The following ADAM7 variants were observed in gnomAD, a reference collection of about 807,000 sequenced individuals.
The protein encoded by ADAM7 is disintegrin and metalloproteinase domain-containing protein 7.
ADAM7 carries 97 observed loss-of-function variants against 102.9 expected under a neutral mutation model. The ratio of observed to expected loss-of-function variants is 0.94; its 90% CI spans 0.80 to 1.12. The LOEUF (loss-of-function observed/expected upper bound fraction) is 1.12, where lower values mean the gene tolerates loss of function less well. Ranked by LOEUF, ADAM7 falls within the 50% of genes most tolerant of loss-of-function variation. The pLI, the probability that ADAM7 is intolerant of heterozygous loss-of-function variation, is 0.00. For missense variants in ADAM7, 991 were observed against 908.7 expected (o/e 1.09, Z -1.16); for synonymous variants, 334 against 304.4 (o/e 1.10, Z -1.01).
intron 16 of ADAM7, among the ~76,000 whole-genome samples, chr8:24,496,006 C>A (rs1015138915): frequency 6.6e-6 from 1 of 152,184 alleles, no homozygotes; most frequent in African/African-American, 2.4e-5. Flanking sequence ...CATAGCAGCC[C>A]CTCCTATCAC....
chr8:24,488,605 T>C (rs1036741947), intron 11 of ADAM7, among the ~76,000 whole-genome samples: 1 of 152,106 alleles, frequency 6.6e-6, no homozygotes, highest in Non-Finnish European at 1.5e-5. Context: ...TGAACTATTA[T>C]GTCAATAATA....
intron 15 of ADAM7, among the ~76,000 whole-genome samples, 172 bp downstream of exon 15, chr8:24,492,769 T>C (rs995596816): frequency 3.9e-5 from 6 of 152,104 alleles, no homozygotes; most frequent in Admixed American, 1.3e-4. Flanking sequence ...AAATTACTAA[T>C]AAAAAAATAT....
At position 24,489,315 on chromosome 8, in the gene ADAM7, T is replaced by C. The variant is rs751195218; in HGVS notation, c.1248T>C (p.Cys416=). 2 of 1,612,242 alleles carry C rather than the reference T, an allele frequency of 1.2e-6. No homozygotes were observed. The highest frequency in any genetic ancestry group is 1.7e-6 in the Non-Finnish European group (2 of 1,179,126). The part of the protein sequence containing the change: ...GNKKLDEGEE[C]DCGPAQECTN... ...AGAAGTTGGATGAGGGTGAAGAGTG[T>C]GACTGTGGCCCTGCTCAGGTATTTG... The change falls in exon 12 of 22, where the codon TGT becomes TGC. Residue 416 remains cysteine (C), a synonymous_variant. Coordinates refer to ENST00000175238, the MANE Select transcript of ADAM7 (RefSeq NM_003817.4).
intron 4 of ADAM7, among the ~76,000 whole-genome samples, chr8:24,465,038 G>A (rs1819380212): frequency 6.6e-6 from 1 of 152,210 alleles, no homozygotes; most frequent in Non-Finnish European, 1.5e-5. Context: ...ACCCGCCTTG[G>A]CCTCCCAAAG....
intron 3 of ADAM7, 106 bp from the exon 4 acceptor site, chr8:24,463,776 G>C: frequency 2.3e-6 from 2 of 874,184 alleles, no homozygotes; most frequent in Non-Finnish European, 3.6e-6. Flanking sequence ...AGAGGATCTT[G>C]CTGAGATTTG....
At chr8:24,447,051 A>G in intron 2 of ADAM7, 135 bp from the exon 3 acceptor site, 1 of 452,668 alleles carries the variant, frequency 2.2e-6, no homozygotes, top group East Asian at 3.3e-5. Context: ...ATTCATCTTT[A>G]TCAGTATTTT....
At chr8:24,477,569 A>AGTGT (rs370769372) in intron 8 of ADAM7, among the ~76,000 whole-genome samples, 11 of 145,676 alleles carry the variant, frequency 7.6e-5, no homozygotes, top group South Asian at 6.8e-4. Flanking sequence ...TACCCTCATC[A>AGTGT]GTGTGTGTGT....
intron 3 of ADAM7, among the ~76,000 whole-genome samples, chr8:24,452,342 G>C (rs1818829014): frequency 6.7e-6 from 1 of 148,720 alleles, no homozygotes; most frequent in South Asian, 2.2e-4. Context: ...TCCTGTATTG[G>C]GTGCATATAT....
chr8:24,445,029 T>C (rs1423611663), intron 2 of ADAM7, among the ~76,000 whole-genome samples: 1 of 152,158 alleles, frequency 6.6e-6, no homozygotes, highest in African/African-American at 2.4e-5. Context: ...AAAACAGTAT[T>C]AATGACACAA....
intron 20 of ADAM7, among the ~76,000 whole-genome samples, chr8:24,502,167 A>C (rs575586256): frequency 6.6e-6 from 1 of 152,336 alleles, no homozygotes; most frequent in Non-Finnish European, 1.5e-5. Flanking sequence ...ATGAATTCTA[A>C]GGAACTCAAC....
chr8:24,469,211 G>A lies in ADAM7; in HGVS notation c.633+391G>A, dbSNP rs569650368. On this transcript the variant is annotated intron_variant, in intron 7 of 21. Coordinates refer to ENST00000175238, the MANE Select transcript of ADAM7 (RefSeq NM_003817.4). ...CCCCGCTATACAGAATACAAAAAGA[G>A]GCAATTGTAATGTAATTGAATGTAA... Among the ~76,000 whole-genome samples the A allele has an allele frequency of 1.3e-4, 20 of 152,228 alleles. No homozygotes were observed. The South Asian group carries it at 3.9e-3, about 30-fold the overall frequency.
At chr8:24,492,163 G>A in intron 14 of ADAM7, 65 bp downstream of exon 14, 2 of 1,475,072 alleles carry the variant, frequency 1.4e-6, no homozygotes, top group East Asian at 2.3e-5. Flanking sequence ...TTATTGCCCT[G>A]TAGGAATTGG....
intron 11 of ADAM7, among the ~76,000 whole-genome samples, chr8:24,487,802 G>T (rs776779184): frequency 5.9e-5 from 9 of 152,072 alleles, no homozygotes; most frequent in Admixed American, 6.5e-5. Flanking sequence ...CTTGCCAACT[G>T]GTAGTGTCTC....
At chr8:24,466,430 T>G (rs529682566) in intron 5 of ADAM7, among the ~76,000 whole-genome samples, 103 of 152,334 alleles carry the variant, frequency 6.8e-4, no homozygotes, top group African/African-American at 2.1e-3. Flanking sequence ...TTAGTATTTT[T>G]ACTTTCATAT....
chr8:24,450,455 T>A (rs2129374903), intron 3 of ADAM7, among the ~76,000 whole-genome samples: 1 of 151,984 alleles, frequency 6.6e-6, no homozygotes, highest in South Asian at 2.1e-4. Context: ...TCTGTTTGTC[T>A]GTTATTGGTG....
At chr8:24,501,618 T>C in intron 20 of ADAM7, 42 bp downstream of exon 20, 1 of 1,492,496 alleles carries the variant, frequency 6.7e-7, no homozygotes, top group Non-Finnish European at 9.1e-7. Context: ...ATTGATTTTT[T>C]TTTTTTAAGT....
At chr8:24,456,273 A>G (rs1037540257) in intron 3 of ADAM7, among the ~76,000 whole-genome samples, 58 of 152,126 alleles carry the variant, frequency 3.8e-4, no homozygotes, top group African/African-American at 1.3e-3. Context: ...ATGTTCTCCA[A>G]TTCCACACAT....
chr8:24,464,370 G>T lies in ADAM7; in HGVS notation c.312+410G>T, dbSNP rs143860810. Among the ~76,000 whole-genome samples, 40 of 152,064 alleles carry T rather than the reference G, an allele frequency of 2.6e-4. No individual in the cohort carries two copies. In the East Asian group the frequency reaches 6.8e-3, roughly 26 times the overall value. On this transcript the variant is annotated intron_variant, in intron 4 of 21. Coordinates refer to ENST00000175238, the MANE Select transcript of ADAM7 (RefSeq NM_003817.4). ...TTATGTGATTCTCATCCCCTTGCCC[G>T]GTTTTTCTGACGCACCAATGTTGAG...
intron 8 of ADAM7, among the ~76,000 whole-genome samples, chr8:24,481,519 C>A (rs1563387646): frequency 6.6e-6 from 1 of 152,136 alleles, no homozygotes; most frequent in Non-Finnish European, 1.5e-5. Context: ...TGCATAAACT[C>A]TAACTTCTTT....
Sources: gnomAD v4.1 joint callset for allele counts (sites outside exome capture counted in the v4.1 genomes callset) on GRCh38, gnomAD v4.1.1 for gene constraint, MANE v1.5 for transcripts, NCBI Gene and HGNC (gene_info 2026-07-23, HGNC 2026-07-21) for gene names.